TMEM45A: variants seen among roughly 807,000 people sequenced by gnomAD.
TMEM45A encodes transmembrane protein 45A, also known as DNA polymerase-transactivated protein 4.
In TMEM45A, 25 loss-of-function variants were observed where a neutral mutation model predicts 32.0. The ratio of observed to expected loss-of-function variants is 0.78; its 90% confidence interval spans 0.57 to 1.09. The LOEUF is 1.09. Among genes scored for constraint, TMEM45A ranks in the 50% least tolerant of loss-of-function variants. The probability of loss-of-function intolerance (pLI) is 0.00; values close to 1 mark genes in which losing one functional copy is unlikely to be tolerated. For synonymous variants in TMEM45A, 122 were observed against 114.8 expected (o/e 1.06, Z -0.40); for missense variants, 302 against 325.0 (o/e 0.93, Z 0.54).
intron 1 of TMEM45A, among the ~76,000 whole-genome samples, chr3:100,527,447 T>C (rs1368651615): frequency 6.6e-6 from 1 of 152,218 alleles, no homozygotes; most frequent in African/African-American, 2.4e-5. Flanking sequence ...GCCTTTTTTT[T>C]CTATTTGCTC....
At chr3:100,561,215 C>T (rs75851650) in intron 4 of TMEM45A, among the ~76,000 whole-genome samples, 45 of 152,248 alleles carry the variant, frequency 3.0e-4, no homozygotes, top group African/African-American at 1.0e-3. Context: ...TGCTTCCAGT[C>T]GGTAAGTGTG....
chr3:100,521,030 C>T (rs1705427908), intron 1 of TMEM45A, among the ~76,000 whole-genome samples: 2 of 152,186 alleles, frequency 1.3e-5, no homozygotes, highest in South Asian at 4.1e-4. Context: ...GGGATATCTG[C>T]TTTCTGGTAA....
intron 1 of TMEM45A, among the ~76,000 whole-genome samples, chr3:100,497,264 T>C (rs2148922926): frequency 6.6e-6 from 1 of 152,312 alleles, no homozygotes; most frequent in South Asian, 2.1e-4. Context: ...GTCACTTTCC[T>C]CTAGAAGCTT....
chr3:100,542,082 A>G (rs1458835180), intron 1 of TMEM45A, among the ~76,000 whole-genome samples: 1 of 152,128 alleles, frequency 6.6e-6, no homozygotes, highest in East Asian at 1.9e-4. Flanking sequence ...TTGGTCAGAT[A>G]ATGTGATGTC....
chr3:100,509,627 A>G (rs1708126378), intron 1 of TMEM45A, among the ~76,000 whole-genome samples: 1 of 152,198 alleles, frequency 6.6e-6, no homozygotes, highest in Admixed American at 6.5e-5. Flanking sequence ...AAGATGGCCA[A>G]ATAGGAACAG....
chr3:100,524,083 T>C lies in TMEM45A; in HGVS notation c.-3-31126T>C, dbSNP rs1389257475. ...TTTTGGAAGGAGAATGTCTGTGGGA[T>C]TCACTCATAGAAACCCTGGAAAGTT... On this transcript the variant is annotated intron_variant, in intron 1 of 5. Transcript: ENST00000323523. 3.9e-5 allele frequency among the ~76,000 whole-genome samples: 6 copies of C among 152,338 alleles called. No homozygotes were observed. In the East Asian group the frequency reaches 1.2e-3, roughly 29 times the overall value.
rs779184897 is a variant in TMEM45A at position 100,577,252 on chromosome 3, T to C, written c.*234T>C. The C allele has an allele frequency of 7.1e-5, 26 of 366,976 alleles. No homozygotes were observed. The highest frequency in any genetic ancestry group is 1.4e-4 in the Admixed American group (3 of 21,200). The allele number at this position is 366,976 out of a possible 1,614,324, so 22.7% of individuals were successfully genotyped here. The stretch of plus-strand genomic sequence containing the variant: ...CATGCACATCATGGTATTCAGGGGC[T>C]AGAGTGATTTTTTTCCAGATTATCT... On this transcript the variant is annotated 3_prime_UTR_variant, in exon 6 of 6. Transcript: ENST00000323523.
intron 1 of TMEM45A, among the ~76,000 whole-genome samples, chr3:100,514,778 A>G (rs1376999173): frequency 1.3e-5 from 2 of 152,050 alleles, no homozygotes; most frequent in African/African-American, 2.4e-5. Context: ...ACAAATTTAC[A>G]AGAAAAAAAC....
chr3:100,512,197 A>G (rs1352442851), intron 1 of TMEM45A, among the ~76,000 whole-genome samples: 1 of 152,194 alleles, frequency 6.6e-6, no homozygotes, highest in African/African-American at 2.4e-5. Flanking sequence ...CACCACACCT[A>G]TTTCAAAATT....
At chr3:100,500,926 A>G (rs1318268136) in intron 1 of TMEM45A, among the ~76,000 whole-genome samples, 1 of 152,252 alleles carries the variant, frequency 6.6e-6, no homozygotes, top group Admixed American at 6.5e-5. Flanking sequence ...AATTCTTTTT[A>G]GTAGATGAGA....
At chr3:100,536,193 T>C (rs1474073164) in intron 1 of TMEM45A, among the ~76,000 whole-genome samples, 1 of 152,228 alleles carries the variant, frequency 6.6e-6, no homozygotes, top group Non-Finnish European at 1.5e-5. Flanking sequence ...AAGAATTATC[T>C]GATCTTAGAT....
In TMEM45A at chr3:100,576,746, C is replaced by T. The variant is rs144321610; in HGVS notation, c.735-179C>T. 2.4e-4 allele frequency among the ~76,000 whole-genome samples: 37 copies of T among 152,330 alleles called. No homozygotes were observed. The East Asian group carries it at 6.7e-3, about 28-fold the overall frequency. ...CACGTTGTATCTGTTTACTTATACCCTGCTTTAATCCACAAAAATTTTCAG... is the reference window on the plus strand; with the variant it reads ...CACGTTGTATCTGTTTACTTATACCTTGCTTTAATCCACAAAAATTTTCAG... On this transcript the variant is annotated intron_variant, in intron 5 of 5. Coordinates refer to ENST00000323523, the MANE Select transcript of TMEM45A (RefSeq NM_018004.3).
chr3:100,555,310 G>T lies in TMEM45A; in HGVS notation c.99G>T (p.Lys33Asn). The T allele has an allele frequency of 6.2e-7, 1 of 1,613,974 alleles. No homozygotes were observed. Among genetic ancestry groups the T allele is most frequent in the East Asian group, 2.2e-5 (1 of 44,852 alleles). ...GTATTCTGAAGTATATCTGCAAAAAGCAAAAGCGAACCTGCTATCTTGGTT... is the reference window on the plus strand; with the variant it reads ...GTATTCTGAAGTATATCTGCAAAAATCAAAAGCGAACCTGCTATCTTGGTT... Reference protein sequence around the residue: ...TKSILKYICKKQKRTCYLGSK... With the variant: ...TKSILKYICKNQKRTCYLGSK... The change falls in exon 2 of 6, where the codon AAG (lysine) becomes AAT (asparagine). Residue 33 changes from lysine (K) to asparagine (N), a missense_variant. Lys to Asn is a moderately conservative substitution (Grantham distance 94). Coordinates refer to ENST00000323523, the MANE Select transcript of TMEM45A (RefSeq NM_018004.3).
chr3:100,515,046 A>G (rs1479230496), intron 1 of TMEM45A, among the ~76,000 whole-genome samples: 8 of 149,506 alleles, frequency 5.4e-5, no homozygotes, highest in South Asian at 2.1e-4. Context: ...AAACTAGTTC[A>G]ACCATTGTGG....
At chr3:100,525,989 C>T (rs998237188) in intron 1 of TMEM45A, among the ~76,000 whole-genome samples, 1 of 152,156 alleles carries the variant, frequency 6.6e-6, no homozygotes, top group Non-Finnish European at 1.5e-5. Flanking sequence ...TCGCATTTGT[C>T]CCTTGATTCC....
chr3:100,526,953 A>T (rs1315555809), intron 1 of TMEM45A, among the ~76,000 whole-genome samples: 1 of 152,236 alleles, frequency 6.6e-6, no homozygotes, highest in Admixed American at 6.5e-5. Context: ...AATTTTTTGG[A>T]TGAAGACGTA....
chr3:100,518,144 AT>A (rs1020745516), intron 1 of TMEM45A, among the ~76,000 whole-genome samples: 6 of 152,154 alleles, frequency 3.9e-5, no homozygotes, highest in South Asian at 2.1e-4. Flanking sequence ...CTTCTCAAAC[AT>A]TTTGTTGGAA....
chr3:100,507,225 C>G (rs1012498062), intron 1 of TMEM45A, among the ~76,000 whole-genome samples: 11 of 152,212 alleles, frequency 7.2e-5, no homozygotes, highest in Non-Finnish European at 1.6e-4. Flanking sequence ...CCTAGTTAGA[C>G]ACTTGACTGC....
chr3:100,510,198 T>C lies in TMEM45A; in HGVS notation c.-4+17270T>C, dbSNP rs1002864677. ...GACAAACAAAAAGACAGCAGTAACC[T>C]TTGCAGACTTAAATGTCCCTGTCTG... On this transcript the variant is annotated intron_variant, in intron 1 of 5. Transcript: ENST00000323523. Among the ~76,000 whole-genome samples, 11 of 152,166 alleles carry C rather than the reference T, an allele frequency of 7.2e-5. 1 individual carries two copies. Among genetic ancestry groups the C allele is most frequent in the African/African-American group, 1.4e-4 (6 of 41,430 alleles).
Sources: gnomAD v4.1 joint callset for allele counts (sites outside exome capture counted in the v4.1 genomes callset) on GRCh38, gnomAD v4.1.1 for gene constraint, MANE v1.5 for transcripts, NCBI Gene and HGNC (gene_info 2026-07-23, HGNC 2026-07-21) for gene names.